Variants in C6 observed in about 807,000 individuals in gnomAD.
C6 encodes the protein complement component C6.
In C6, 101 loss-of-function variants were observed where a neutral mutation model predicts 112.9. That is an observed-to-expected ratio of 0.89 (90% CI 0.76 to 1.06). The LOEUF (loss-of-function observed/expected upper bound fraction) is 1.06, where lower values mean the gene tolerates loss of function less well. Among genes scored for constraint, C6 ranks in the 50% least tolerant of loss-of-function variants. The pLI is 0.00. For missense variants in C6, 1,202 were observed against 1,104.6 expected (o/e 1.09, Z -1.25); for synonymous variants, 431 against 384.1 (o/e 1.12, Z -1.43).
chr5:41,233,878 A>G (rs1018504614), intron 1 of C6, among the ~76,000 whole-genome samples: 2 of 152,130 alleles, frequency 1.3e-5, no homozygotes, highest in Non-Finnish European at 2.9e-5. Flanking sequence ...TAGTTCTTTT[A>G]TAAAAGTTTT....
intron 12 of C6, 50 bp downstream of exon 12, chr5:41,159,032 A>T: frequency 6.3e-7 from 1 of 1,588,122 alleles, no homozygotes. Flanking sequence ...TCTCAATGTT[A>T]TTGAGAGTTA....
chr5:41,181,714 G>T (rs948053719), intron 6 of C6, among the ~76,000 whole-genome samples, 155 bp from the exon 7 acceptor site: 2 of 152,154 alleles, frequency 1.3e-5, no homozygotes, highest in Non-Finnish European at 2.9e-5. Flanking sequence ...GTTATTTCCT[G>T]CACTGAGGGG....
intron 16 of C6, 50 bp from the exon 17 acceptor site, chr5:41,149,532 CAG>C (rs1554017157): frequency 1.2e-5 from 20 of 1,609,382 alleles, no homozygotes; most frequent in Middle Eastern, 1.6e-4. Flanking sequence ...CAGAAAAAAA[CAG>C]GGGGCACGTA....
At chr5:41,206,814 C>G (rs1751475420) in intron 1 of C6, among the ~76,000 whole-genome samples, 1 of 152,122 alleles carries the variant, frequency 6.6e-6, no homozygotes, top group African/African-American at 2.4e-5. Context: ...AGGATATTAT[C>G]CAGGAGAACT....
At chr5:41,244,264 C>T (rs59735840) in intron 1 of C6, among the ~76,000 whole-genome samples, 10,699 of 152,186 alleles carry the variant, frequency 0.07, 584 homozygotes, top group African/African-American at 0.15. Context: ...TTTGAGACAA[C>T]AATAACAGCA....
At chr5:41,173,191 T>C (rs942694748) in intron 8 of C6, among the ~76,000 whole-genome samples, 3 of 152,174 alleles carry the variant, frequency 2.0e-5, no homozygotes, top group Non-Finnish European at 4.4e-5. Flanking sequence ...CTCCCCATGG[T>C]CTTATAACCT....
chr5:41,208,972 A>G (rs1031536473), intron 1 of C6, among the ~76,000 whole-genome samples: 3 of 152,208 alleles, frequency 2.0e-5, no homozygotes, highest in African/African-American at 4.8e-5. Flanking sequence ...AAAATCCTCA[A>G]TAAAATACTG....
chr5:41,252,421 C>T (rs1293482648), intron 1 of C6, among the ~76,000 whole-genome samples: 1 of 151,958 alleles, frequency 6.6e-6, no homozygotes, highest in Non-Finnish European at 1.5e-5. Context: ...GCAAAACTGA[C>T]CAGCACTAAC....
At chr5:41,183,602 C>T (rs1249379747) in intron 6 of C6, among the ~76,000 whole-genome samples, 2 of 152,176 alleles carry the variant, frequency 1.3e-5, no homozygotes, top group African/African-American at 4.8e-5. Context: ...AACAGAACCA[C>T]CATTTGACCC....
At chr5:41,207,391 T>A (rs973367691) in intron 1 of C6, among the ~76,000 whole-genome samples, 2 of 152,172 alleles carry the variant, frequency 1.3e-5, no homozygotes, top group African/African-American at 2.4e-5. Context: ...TAACCTTAAA[T>A]GTAAATGGGC....
At chr5:41,192,593 A>G (rs1750301720) in intron 5 of C6, among the ~76,000 whole-genome samples, 1 of 151,508 alleles carries the variant, frequency 6.6e-6, no homozygotes, top group Admixed American at 6.6e-5. Flanking sequence ...TCTTGATTCA[A>G]TCTTGGTAAG....
intron 17 of C6, among the ~76,000 whole-genome samples, chr5:41,148,052 A>G (rs1010224328): frequency 4.6e-5 from 7 of 152,220 alleles, no homozygotes; most frequent in Non-Finnish European, 1.0e-4. Flanking sequence ...AACATATTGT[A>G]TCAATAAAAA....
In C6 at chr5:41,142,812, A is replaced by G. The variant is rs771049005; in HGVS notation, c.*13T>C. On this transcript the variant is annotated 3_prime_UTR_variant, in exon 18 of 18. Transcript: ENST00000337836. ...TAAATCTGTTCATTGTGCTGGGCCT[A>G]GCAGTAATTGTGCTAGGCCAAACAC... 9 of 1,602,394 alleles carry G rather than the reference A, an allele frequency of 5.6e-6. No individual in the cohort carries two copies. The South Asian group carries it at 9.9e-5, about 18-fold the overall frequency.
intron 1 of C6, among the ~76,000 whole-genome samples, chr5:41,223,985 T>G (rs933765157): frequency 1.1e-4 from 16 of 152,168 alleles, no homozygotes; most frequent in African/African-American, 3.9e-4. Context: ...ATTCTTTACT[T>G]TGGGTTTGAC....
At chr5:41,157,301 T>C (rs1193106829) in intron 13 of C6, among the ~76,000 whole-genome samples, 3 of 152,210 alleles carry the variant, frequency 2.0e-5, no homozygotes, top group Admixed American at 2.0e-4. Context: ...AAAATGAGAA[T>C]GTCAATAATT....
chr5:41,236,194 G>T (rs866605921), intron 1 of C6, among the ~76,000 whole-genome samples: 1,974 of 105,604 alleles, frequency 0.019, 78 homozygotes, highest in African/African-American at 0.073. Context: ...TTTCTTCTAG[G>T]GTTTTTATGG....
chr5:41,251,993 C>A (rs1299750007), intron 1 of C6, among the ~76,000 whole-genome samples: 3 of 152,154 alleles, frequency 2.0e-5, no homozygotes, highest in Admixed American at 6.5e-5. Flanking sequence ...CCTAAGTAAA[C>A]CTTATGGCAA....
intron 1 of C6, among the ~76,000 whole-genome samples, chr5:41,238,838 T>G (rs1402912050): frequency 1.3e-5 from 2 of 152,178 alleles, no homozygotes; most frequent in East Asian, 3.9e-4. Flanking sequence ...ATATGGTGAA[T>G]TAGAGTTTTT....
intron 1 of C6, among the ~76,000 whole-genome samples, chr5:41,207,132 C>T (rs1021352572): frequency 8.5e-5 from 13 of 152,266 alleles, no homozygotes; most frequent in Middle Eastern, 3.4e-3. Context: ...AACTAAGCTT[C>T]ATAAGTGAAG....
Sources: gnomAD v4.1 joint callset for allele counts (sites outside exome capture counted in the v4.1 genomes callset) on GRCh38, gnomAD v4.1.1 for gene constraint, MANE v1.5 for transcripts, NCBI Gene and HGNC (gene_info 2026-07-23, HGNC 2026-07-21) for gene names.